Variants in ZFHX3 observed in about 807,000 individuals in gnomAD.
The protein encoded by ZFHX3 is zinc finger homeobox protein 3.
ZFHX3 carries 42 observed loss-of-function variants against 279.1 expected under a neutral mutation model. The ratio of observed to expected loss-of-function variants is 0.15; its 90% CI spans 0.12 to 0.19. ZFHX3 has a LOEUF of 0.19. Among genes scored for constraint, ZFHX3 ranks in the 10% least tolerant of loss-of-function variants. ZFHX3 has a pLI of 1.00. For missense variants in ZFHX3, 4,981 were observed against 4,754.0 expected, an observed-to-expected ratio of 1.05 and a Z score of -1.40; for synonymous variants, 2,293 against 1,957.8, an observed-to-expected ratio of 1.17 and a Z score of -4.52.
At chr16:73,321,218 A>G (rs988374475) in intron 3 of ZFHX3, among the ~76,000 whole-genome samples, 4 of 152,166 alleles carry the variant, frequency 2.6e-5, no homozygotes, top group African/African-American at 9.7e-5. Flanking sequence ...CTAGGGTCCT[A>G]TGATACGCTC....
chr16:73,649,658 T>TTTGGGTCA (rs1456798152), intron 2 of ZFHX3, among the ~76,000 whole-genome samples: 1 of 152,208 alleles, frequency 6.6e-6, no homozygotes, highest in African/African-American at 2.4e-5. Flanking sequence ...GCAAATCCAG[T>TTTGGGTCA]GCACCGTGCT....
intron 1 of ZFHX3, among the ~76,000 whole-genome samples, chr16:73,879,729 C>G (rs2030080002): frequency 6.6e-6 from 1 of 152,098 alleles, no homozygotes; most frequent in Non-Finnish European, 1.5e-5. Flanking sequence ...AGCGGGGATT[C>G]TCAGCCTCCA....
chr16:73,078,200 C>T (rs1479614101), intron 8 of ZFHX3, among the ~76,000 whole-genome samples: 1 of 152,194 alleles, frequency 6.6e-6, no homozygotes, highest in African/African-American at 2.4e-5. Flanking sequence ...GTTTATTTGT[C>T]TTAAGACAAA....
At chr16:73,735,417 C>A (rs191355315) in intron 1 of ZFHX3, among the ~76,000 whole-genome samples, 51 of 151,518 alleles carry the variant, frequency 3.4e-4, no homozygotes, top group African/African-American at 1.2e-3. Flanking sequence ...TCCCCATTCT[C>A]CCCTCTCCCC....
rs1369356448 is a variant in ZFHX3, at chr16:73,312,205, G to T, written c.-1194+6035C>A. 2.6e-5 allele frequency among the ~76,000 whole-genome samples: 4 copies of T among 152,124 alleles called. No homozygotes were observed. The South Asian group carries it at 8.3e-4, about 32-fold the overall frequency. ...TGTCACGTGACAAAAGGATGAAGGA[G>T]GTTGGGATGTTTAGTCTGACGACAA... On this transcript the variant is annotated intron_variant, in intron 4 of 17. Coordinates refer to the ZFHX3 transcript ENST00000641206.
chr16:73,217,317 T>C (rs921867631), intron 5 of ZFHX3, among the ~76,000 whole-genome samples: 1 of 152,142 alleles, frequency 6.6e-6, no homozygotes, highest in African/African-American at 2.4e-5. Flanking sequence ...CCTGGAGAAG[T>C]GGAACATGAC....
At chr16:73,178,220 C>T (rs890735079) in intron 5 of ZFHX3, among the ~76,000 whole-genome samples, 35 of 152,002 alleles carry the variant, frequency 2.3e-4, no homozygotes, top group Non-Finnish European at 2.9e-5. Flanking sequence ...TCACTGCAAC[C>T]TCTGCCTCCT....
chr16:73,721,465 T>C (rs1015593844), intron 1 of ZFHX3, among the ~76,000 whole-genome samples: 3 of 152,194 alleles, frequency 2.0e-5, no homozygotes, highest in Non-Finnish European at 4.4e-5. Context: ...CTGTGTCAGC[T>C]CTTGATTCCC....
chr16:73,764,293 C>A (rs978316512), intron 1 of ZFHX3, among the ~76,000 whole-genome samples: 6 of 152,142 alleles, frequency 3.9e-5, no homozygotes, highest in Non-Finnish European at 8.8e-5. Flanking sequence ...AACCTCAAAT[C>A]AGGTTTCTGC....
chr16:73,471,429 A>G lies in ZFHX3; in HGVS notation c.-1546-15171T>C, dbSNP rs1209682243. Reference sequence around the variant, plus strand: ...TCTTTTTCTTTCTTTTTTTTTTTAGACAGAATTTCACTCTTGTCGCCCAGG... The same window carrying G: ...TCTTTTTCTTTCTTTTTTTTTTTAGGCAGAATTTCACTCTTGTCGCCCAGG... On this transcript the variant is annotated intron_variant, in intron 2 of 17. Transcript: ENST00000641206. Among the ~76,000 whole-genome samples the G allele has an allele frequency of 2.0e-5, 3 of 150,776 alleles. No homozygotes were observed. The East Asian group carries it at 5.8e-4, about 29-fold the overall frequency.
At position 73,631,356 on chromosome 16, in the gene ZFHX3, G is replaced by A. The variant is rs545680845; in HGVS notation, c.-1547+48824C>T. On this transcript the variant is annotated intron_variant, in intron 2 of 17. Transcript: ENST00000641206. ...TTCTGATTTCAAGAGAAAATAAATG[G>A]TACAAAAGCAAGGAAATTCAAGCTT... is the stretch of plus-strand genomic sequence containing the variant. Among the ~76,000 whole-genome samples the A allele has an allele frequency of 2.5e-4, 38 of 152,184 alleles. No individual in the cohort carries two copies. The Middle Eastern group carries it at 0.01, about 41-fold the overall frequency.
intron 3 of ZFHX3, among the ~76,000 whole-genome samples, chr16:72,943,926 C>T (rs1038964892): frequency 6.6e-6 from 1 of 152,160 alleles, no homozygotes; most frequent in Non-Finnish European, 1.5e-5. Flanking sequence ...AAAAGAGTAT[C>T]TACATGTACT....
chr16:73,891,025 C>CG (rs987469283), intron 1 of ZFHX3, among the ~76,000 whole-genome samples: 1 of 150,144 alleles, frequency 6.7e-6, no homozygotes, highest in African/African-American at 2.5e-5. Context: ...CGCCGCTCCC[C>CG]CCCTCCACCT....
intron 3 of ZFHX3, among the ~76,000 whole-genome samples, chr16:72,931,404 TAC>T (rs59696404): frequency 0.077 from 9,203 of 119,764 alleles, 387 homozygotes; most frequent in Middle Eastern, 0.14. Context: ...TTTATTTCAT[TAC>T]ACACACACAC....
intron 3 of ZFHX3, among the ~76,000 whole-genome samples, chr16:73,392,056 TAA>T (rs1039083215): frequency 3.9e-5 from 6 of 152,266 alleles, no homozygotes; most frequent in Admixed American, 1.3e-4. Flanking sequence ...AAGGGGAATT[TAA>T]AAGAGAGCTG....
chr16:73,159,543 C>G (rs917754791), intron 5 of ZFHX3, among the ~76,000 whole-genome samples: 1 of 152,090 alleles, frequency 6.6e-6, no homozygotes, highest in African/African-American at 2.4e-5. Context: ...TCAGCTGACA[C>G]GGAGCCTACT....
intron 4 of ZFHX3, among the ~76,000 whole-genome samples, chr16:73,267,802 T>G (rs1433784340): frequency 6.6e-6 from 1 of 152,224 alleles, no homozygotes. Flanking sequence ...ATCTTTAAGA[T>G]GATACGCAAA....
rs575785591 is a variant in ZFHX3 at position 73,864,405 on chromosome 16, T to C, written c.-1608+27246A>G. Among the ~76,000 whole-genome samples the C allele has an allele frequency of 2.6e-5, 4 of 152,234 alleles. No individual in the cohort carries two copies. In the South Asian group the frequency reaches 8.3e-4, roughly 32 times the overall value. ...ACAGAGGTTAGAGTGGAACAAACAT[T>C]CACAAAATACTTGGGGAAAATAAAA... is the stretch of plus-strand genomic sequence containing the variant. On this transcript the variant is annotated intron_variant, in intron 1 of 17. Coordinates refer to the ZFHX3 transcript ENST00000641206.
At chr16:73,571,952 G>T (rs2051741750) in intron 2 of ZFHX3, among the ~76,000 whole-genome samples, 1 of 151,894 alleles carries the variant, frequency 6.6e-6, no homozygotes, top group African/African-American at 2.4e-5. Flanking sequence ...CAGTGAAAAG[G>T]ACTAAATACA....
Sources: gnomAD v4.1 joint callset for allele counts (sites outside exome capture counted in the v4.1 genomes callset) on GRCh38, gnomAD v4.1.1 for gene constraint, MANE v1.5 for transcripts, NCBI Gene and HGNC (gene_info 2026-07-23, HGNC 2026-07-21) for gene names.